PRXL2A: variants seen among roughly 807,000 people sequenced by gnomAD.
PRXL2A encodes peroxiredoxin-like 2A.
A neutral mutation model predicts 25.6 loss-of-function variants in PRXL2A; 26 were observed. That is an observed-to-expected ratio of 1.02 (90% CI 0.74 to 1.41). PRXL2A has a LOEUF of 1.41. Ranked by LOEUF, PRXL2A falls within the 40% of genes most tolerant of loss-of-function variation. The pLI is 0.00. For missense variants in PRXL2A, 246 were observed against 273.9 expected (o/e 0.90, Z 0.72); for synonymous variants, 98 against 102.9 (o/e 0.95, Z 0.29).
At chr10:80,416,212 G>T (rs1478204760) in intron 1 of PRXL2A, among the ~76,000 whole-genome samples, 4 of 152,200 alleles carry the variant, frequency 2.6e-5, no homozygotes, top group Admixed American at 2.6e-4. Flanking sequence ...CCTGTGGCAG[G>T]TTCTTTCCTG....
intron 2 of PRXL2A, 31 bp downstream of exon 2, chr10:80,420,676 T>C: frequency 6.7e-7 from 1 of 1,491,410 alleles, no homozygotes; most frequent in Non-Finnish European, 9.0e-7. Context: ...TCTCAGTACT[T>C]TTCCAAGGAG....
At chr10:80,418,177 C>A (rs1386133920) in intron 1 of PRXL2A, among the ~76,000 whole-genome samples, 2 of 151,990 alleles carry the variant, frequency 1.3e-5, no homozygotes, top group Admixed American at 6.6e-5. Context: ...CCCCACCCTC[C>A]CCTCTTCAGC....
intron 3 of PRXL2A, 98 bp downstream of exon 3, chr10:80,422,606 C>T: frequency 1.2e-6 from 1 of 805,788 alleles, no homozygotes; most frequent in Non-Finnish European, 2.0e-6. Context: ...CAGCTTTAGC[C>T]TTTTACCCAC....
rs761573557 is a variant in PRXL2A, at chr10:80,425,913, C to T, written c.318C>T (p.Gly106=). 27 of 1,614,094 alleles carry T rather than the reference C, an allele frequency of 1.7e-5. No individual in the cohort carries two copies. The highest frequency in any genetic ancestry group is 7.7e-5 in the South Asian group (7 of 91,092). The change falls in exon 4 of 6, where the codon GGC becomes GGT. Residue 106 remains glycine, a synonymous_variant. Coordinates refer to ENST00000606162, the MANE Select transcript of PRXL2A (RefSeq NM_032333.5). ...TGAAAAGCATGTTGGACCAGCTGGG[C>T]GTCCCCCTCTATGCAGTGGTAAAGG... ...SSLKSMLDQL[G]VPLYAVVKEH...
chr10:80,422,298 C>T, intron 2 of PRXL2A, 119 bp from the exon 3 acceptor site: 2 of 683,756 alleles, frequency 2.9e-6, no homozygotes, highest in Admixed American at 2.5e-5. Context: ...AAATGCCTGT[C>T]CAGGTCCTCT....
chr10:80,426,863 G>A (rs1845057573), intron 4 of PRXL2A, among the ~76,000 whole-genome samples: 1 of 152,178 alleles, frequency 6.6e-6, no homozygotes, highest in Admixed American at 6.5e-5. Flanking sequence ...ACCTGGATTG[G>A]CTGGGCATGG....
chr10:80,420,543 G>C lies in PRXL2A; in HGVS notation c.76G>C (p.Ala26Pro). The change falls in exon 2 of 6, where the codon GCC (alanine) becomes CCC (proline). Residue 26 changes from alanine to proline, a missense_variant. Coordinates refer to ENST00000606162, the MANE Select transcript of PRXL2A (RefSeq NM_032333.5). ...SIGAGALGAA[A>P]LALLLANTDV... ...TGGTGCAGGAGCCCTGGGGGCTGCT[G>C]CCTTGGCATTGCTGCTTGCCAACAC... is the stretch of plus-strand genomic sequence containing the variant. The C allele has an allele frequency of 6.2e-7, 1 of 1,613,976 alleles. No individual in the cohort carries two copies. The highest frequency in any genetic ancestry group is 8.5e-7 in the Non-Finnish European group (1 of 1,179,932).
At chr10:80,410,896 A>G (rs1301055287) in intron 1 of PRXL2A, among the ~76,000 whole-genome samples, 2 of 152,246 alleles carry the variant, frequency 1.3e-5, no homozygotes, top group Non-Finnish European at 2.9e-5. Flanking sequence ...ACAAGAGGAC[A>G]TAATCAGCTA....
intron 1 of PRXL2A, among the ~76,000 whole-genome samples, chr10:80,417,057 CTTGA>C (rs1448891700): frequency 1.3e-5 from 2 of 152,154 alleles, no homozygotes; most frequent in Non-Finnish European, 1.5e-5. Flanking sequence ...GAGGAAAGGG[CTTGA>C]TTAACTTTTA....
Position 80,436,583 on chromosome 10 carries a change from G to C in PRXL2A, c.*4484G>C, listed in dbSNP as rs967599029. The C allele has an allele frequency of 2.6e-5, 4 of 152,222 alleles. No individual in the cohort carries two copies. Among genetic ancestry groups the C allele is most frequent in the Admixed American group, 1.3e-4 (2 of 15,280 alleles). The allele number at this position is 152,222 out of a possible 1,614,324, so 9.4% of individuals were successfully genotyped here. On this transcript the variant is annotated 3_prime_UTR_variant, in exon 6 of 6. Transcript: ENST00000606162. ...CATCTCTGATAACTTTAAAAGGAAGGCCTCAGAAGCAGCCCCAGAAGCAAA... is the reference window on the plus strand; with the variant it reads ...CATCTCTGATAACTTTAAAAGGAAGCCCTCAGAAGCAGCCCCAGAAGCAAA...
At chr10:80,409,000 C>T (rs1844365822) in intron 1 of PRXL2A, 4 of 984,432 alleles carry the variant, frequency 4.1e-6, no homozygotes, top group Non-Finnish European at 4.8e-6. Flanking sequence ...ATTGTTGGGA[C>T]AAAGAACAGA....
chr10:80,426,947 C>A (rs550095477), intron 4 of PRXL2A, among the ~76,000 whole-genome samples: 4 of 151,932 alleles, frequency 2.6e-5, no homozygotes, highest in Non-Finnish European at 5.9e-5. Flanking sequence ...AGTTCAAGAC[C>A]AGCTTGGCCA....
intron 5 of PRXL2A, among the ~76,000 whole-genome samples, chr10:80,431,691 G>A (rs1589216976): frequency 6.6e-6 from 1 of 152,000 alleles, no homozygotes; most frequent in Admixed American, 6.6e-5. Flanking sequence ...TCTACTTGTA[G>A]ACATCCTGGT....
At chr10:80,415,163 T>A (rs1183518210) in intron 1 of PRXL2A, among the ~76,000 whole-genome samples, 1 of 152,180 alleles carries the variant, frequency 6.6e-6, no homozygotes, top group Non-Finnish European at 1.5e-5. Flanking sequence ...GTGCGGTCTG[T>A]CCATGGAGAG....
In PRXL2A at chr10:80,432,112, G is replaced by A. The variant is rs781568887; in HGVS notation, c.*13G>A. ...AGAGAAAAAATGATTGTGTGAAACT[G>A]CCCAGCTCAGGGATAACCAGGGACA... On this transcript the variant is annotated 3_prime_UTR_variant, in exon 6 of 6. Transcript: ENST00000606162. 5 of 1,495,968 alleles carry A rather than the reference G, an allele frequency of 3.3e-6. No individual in the cohort carries two copies. Among genetic ancestry groups the A allele is most frequent in the Non-Finnish European group, 4.6e-6 (5 of 1,078,830 alleles). The allele number at this position is 1,495,968 out of a possible 1,614,324, so 92.7% of individuals were successfully genotyped here.
At chr10:80,407,929 G>A (rs1004573816), upstream of PRXL2A, 3 of 152,258 alleles carry the variant, frequency 2.0e-5, no homozygotes, top group African/African-American at 7.2e-5. Context: ...CTACTTTCAT[G>A]AAAGAGTGGG....
intron 1 of PRXL2A, among the ~76,000 whole-genome samples, chr10:80,413,396 CA>C (rs1418921831): frequency 6.6e-6 from 1 of 152,152 alleles, no homozygotes; most frequent in African/African-American, 2.4e-5. Flanking sequence ...GAATAGACAG[CA>C]GATGAGGGGC....
chr10:80,411,370 G>T (rs1488193664), intron 1 of PRXL2A, among the ~76,000 whole-genome samples: 1 of 152,224 alleles, frequency 6.6e-6, no homozygotes, highest in Non-Finnish European at 1.5e-5. Context: ...CTGTTTACGG[G>T]CAGTCTTGCT....
chr10:80,408,969 C>T, intron 1 of PRXL2A: 3 of 937,404 alleles, frequency 3.2e-6, no homozygotes, highest in Non-Finnish European at 3.8e-6. Context: ...TGAGTGACGC[C>T]GGTGGCGCCA....
Sources: allele counts gnomAD v4.1 joint callset (sites outside exome capture counted in the v4.1 genomes callset), GRCh38; gene constraint gnomAD v4.1.1; transcripts MANE v1.5; gene names NCBI Gene and HGNC (gene_info 2026-07-23, HGNC 2026-07-21).